The following HS6ST3 variants were observed in gnomAD, a reference collection of about 807,000 sequenced individuals.
The protein encoded by HS6ST3 is heparan sulfate 6-O-sulfotransferase 3, also known as heparan-sulfate 6-O-sulfotransferase 3.
In HS6ST3, 12 loss-of-function variants were observed where a neutral mutation model predicts 36.7. The observed-to-expected ratio is 0.33, with a 90% CI of 0.21 to 0.53. The LOEUF (loss-of-function observed/expected upper bound fraction) is 0.53, where lower values mean the gene tolerates loss of function less well. HS6ST3 is among the 20% of genes least tolerant of loss of function. The pLI is 0.95. For missense variants in HS6ST3, 584 were observed against 640.9 expected (o/e 0.91, Z 0.96); for synonymous variants, 240 against 257.5 (o/e 0.93, Z 0.65).
chr13:96,392,234 A>G (rs564337574), intron 1 of HS6ST3, among the ~76,000 whole-genome samples: 1 of 152,330 alleles, frequency 6.6e-6, no homozygotes, highest in South Asian at 2.1e-4. Context: ...ACTGGGCTCT[A>G]CTATCATTTT....
At chr13:96,327,027 T>C (rs1289395851) in intron 1 of HS6ST3, among the ~76,000 whole-genome samples, 3 of 141,782 alleles carry the variant, frequency 2.1e-5, no homozygotes, top group Admixed American at 2.1e-4. Flanking sequence ...GATGGGGTTG[T>C]TTGTTTTTTT....
intron 1 of HS6ST3, among the ~76,000 whole-genome samples, chr13:96,450,367 C>G (rs2055721581): frequency 6.6e-6 from 1 of 152,142 alleles, no homozygotes; most frequent in African/African-American, 2.4e-5. Flanking sequence ...TTCATCTGAA[C>G]AGAACATTGA....
chr13:96,350,266 T>C (rs1352544179), intron 1 of HS6ST3, among the ~76,000 whole-genome samples: 1 of 152,214 alleles, frequency 6.6e-6, no homozygotes, highest in Admixed American at 6.5e-5. Flanking sequence ...TTGAAAGGGT[T>C]TGAGCTGAAC....
At chr13:96,674,071 G>A (rs184123262) in intron 1 of HS6ST3, among the ~76,000 whole-genome samples, 272 of 152,230 alleles carry the variant, frequency 1.8e-3, no homozygotes, top group African/African-American at 6.4e-3. Context: ...ACCCAATCTT[G>A]TGTCGAATTG....
At chr13:96,584,704 G>T (rs1439785496) in intron 1 of HS6ST3, among the ~76,000 whole-genome samples, 1 of 152,188 alleles carries the variant, frequency 6.6e-6, no homozygotes, top group Non-Finnish European at 1.5e-5. Flanking sequence ...CAGAAGAGCA[G>T]CCTTGAGCTC....
At chr13:96,495,261 G>A (rs1446982431) in intron 1 of HS6ST3, among the ~76,000 whole-genome samples, 4 of 152,188 alleles carry the variant, frequency 2.6e-5, no homozygotes, top group African/African-American at 9.7e-5. Context: ...TGGCATAGAG[G>A]ATGCCATATC....
intron 1 of HS6ST3, among the ~76,000 whole-genome samples, chr13:96,622,647 C>A (rs1688518018): frequency 6.6e-6 from 1 of 152,158 alleles, no homozygotes; most frequent in South Asian, 2.1e-4. Flanking sequence ...CTTCCCATGG[C>A]TTTCTGTACT....
At chr13:96,106,466 G>A (rs1273486863) in intron 1 of HS6ST3, among the ~76,000 whole-genome samples, 1 of 152,198 alleles carries the variant, frequency 6.6e-6, no homozygotes, top group Non-Finnish European at 1.5e-5. Flanking sequence ...AGCAGTGTGA[G>A]TGAGCTTGGA....
intron 1 of HS6ST3, among the ~76,000 whole-genome samples, chr13:96,435,412 C>T (rs1253219460): frequency 6.6e-6 from 1 of 152,088 alleles, no homozygotes; most frequent in Non-Finnish European, 1.5e-5. Flanking sequence ...AGTTTGTTAG[C>T]CTGACATACC....
intron 1 of HS6ST3, among the ~76,000 whole-genome samples, chr13:96,532,161 G>A (rs1045816002): frequency 3.3e-5 from 5 of 152,176 alleles, no homozygotes; most frequent in African/African-American, 1.2e-4. Context: ...GACTGTATCA[G>A]GAAGACTGAG....
At chr13:96,399,256 A>T (rs891453236) in intron 1 of HS6ST3, among the ~76,000 whole-genome samples, 3 of 152,250 alleles carry the variant, frequency 2.0e-5, no homozygotes, top group Admixed American at 6.5e-5. Context: ...TTAATTTTTT[A>T]AAAAGTGCTA....
intron 1 of HS6ST3, among the ~76,000 whole-genome samples, chr13:96,418,368 G>A (rs1303932056): frequency 2.0e-5 from 3 of 152,274 alleles, no homozygotes; most frequent in South Asian, 2.1e-4. Context: ...GCAAGTAGGC[G>A]ATTTTGCAGA....
intron 1 of HS6ST3, among the ~76,000 whole-genome samples, chr13:96,122,570 T>G (rs762073755): frequency 6.6e-6 from 1 of 152,106 alleles, no homozygotes; most frequent in Admixed American, 6.6e-5. Context: ...CACACAAAAT[T>G]AAGACACTTT....
intron 1 of HS6ST3, among the ~76,000 whole-genome samples, chr13:96,823,694 A>T (rs932970833): frequency 6.6e-6 from 1 of 151,952 alleles, no homozygotes; most frequent in Non-Finnish European, 1.5e-5. Context: ...ATCTCGGCTC[A>T]CTGCAACCTC....
chr13:96,614,847 A>G (rs2056468676), intron 1 of HS6ST3, among the ~76,000 whole-genome samples: 1 of 152,222 alleles, frequency 6.6e-6, no homozygotes, highest in African/African-American at 2.4e-5. Flanking sequence ...CCAAATTTCT[A>G]CAAATGCTGG....
chr13:96,788,581 T>A (rs1266619160), intron 1 of HS6ST3, among the ~76,000 whole-genome samples: 1 of 151,894 alleles, frequency 6.6e-6, no homozygotes, highest in East Asian at 1.9e-4. Flanking sequence ...TGTTTTCAAT[T>A]CTACATCCCT....
chr13:96,206,256 G>A (rs2054369819), intron 1 of HS6ST3, among the ~76,000 whole-genome samples: 1 of 152,026 alleles, frequency 6.6e-6, no homozygotes, highest in African/African-American at 2.4e-5. Context: ...AGCTAACTAG[G>A]GAAGTGAAGA....
intron 1 of HS6ST3, among the ~76,000 whole-genome samples, chr13:96,451,105 T>C (rs1017066982): frequency 6.6e-6 from 1 of 152,098 alleles, no homozygotes; most frequent in Non-Finnish European, 1.5e-5. Context: ...TGTGTAATAG[T>C]ATTACACATT....
intron 1 of HS6ST3, among the ~76,000 whole-genome samples, chr13:96,552,794 TG>T (rs1198244260): frequency 2.6e-5 from 4 of 152,220 alleles, no homozygotes; most frequent in Admixed American, 1.3e-4. Context: ...GGTATAAGGA[TG>T]GTATTGAGAA....
Sources: gnomAD v4.1 joint callset for allele counts (sites outside exome capture counted in the v4.1 genomes callset) on GRCh38, gnomAD v4.1.1 for gene constraint, MANE v1.5 for transcripts, NCBI Gene and HGNC (gene_info 2026-07-23, HGNC 2026-07-21) for gene names.